The following HCRTR2 variants were observed in gnomAD, a reference collection of about 807,000 sequenced individuals.
HCRTR2 encodes orexin receptor type 2.
HCRTR2 carries 22 observed loss-of-function variants against 49.0 expected under a neutral mutation model. The observed-to-expected ratio is 0.45, with a 90% CI of 0.32 to 0.64. HCRTR2 has a LOEUF of 0.64. Ranked by LOEUF, HCRTR2 falls within the 30% of genes least tolerant of loss-of-function variation. HCRTR2 has a pLI of 0.04. For missense variants in HCRTR2, 491 were observed against 559.4 expected (o/e 0.88, Z 1.23); for synonymous variants, 236 against 205.3 (o/e 1.15, Z -1.28).
intron 1 of HCRTR2, among the ~76,000 whole-genome samples, chr6:55,245,371 GTATA>G (rs71767441): frequency 1.5e-5 from 2 of 137,332 alleles, no homozygotes; most frequent in African/African-American, 2.7e-5. Context: ...ATGTGTGTGT[GTATA>G]TATATATATA....
intron 1 of HCRTR2, among the ~76,000 whole-genome samples, chr6:55,228,720 G>A (rs1766057530): frequency 6.6e-6 from 1 of 152,130 alleles, no homozygotes; most frequent in South Asian, 2.1e-4. Flanking sequence ...TAGGCAATTA[G>A]TAAGTTCACT....
At chr6:55,167,918 G>A (rs990723589) in intron 1 of HCRTR2, among the ~76,000 whole-genome samples, 4 of 152,164 alleles carry the variant, frequency 2.6e-5, no homozygotes, top group African/African-American at 9.7e-5. Flanking sequence ...CATAGAGACT[G>A]CTAATCCATC....
intron 1 of HCRTR2, among the ~76,000 whole-genome samples, chr6:55,203,746 C>T (rs186629394): frequency 5.0e-4 from 76 of 152,050 alleles, no homozygotes; most frequent in African/African-American, 1.8e-3. Flanking sequence ...AGTGCAAAAG[C>T]CCTGATGTAG....
At chr6:55,200,275 GTGTT>G (rs1182884919) in intron 1 of HCRTR2, among the ~76,000 whole-genome samples, 35 of 135,746 alleles carry the variant, frequency 2.6e-4, no homozygotes, top group African/African-American at 7.6e-4. Context: ...GTGTGTGTGT[GTGTT>G]TTTGAAACGG....
At chr6:55,252,656 G>C (rs560844270) in intron 2 of HCRTR2, among the ~76,000 whole-genome samples, 8 of 152,156 alleles carry the variant, frequency 5.3e-5, no homozygotes, top group Admixed American at 3.3e-4. Flanking sequence ...GTAGCACTAA[G>C]AAATTTCTAG....
intron 1 of HCRTR2, among the ~76,000 whole-genome samples, chr6:55,236,127 T>A (rs1208556989): frequency 6.6e-6 from 1 of 152,028 alleles, no homozygotes; most frequent in African/African-American, 2.4e-5. Context: ...TATTCTTCGA[T>A]TCCATGAGTA....
chr6:55,198,164 T>C (rs1765451308), intron 1 of HCRTR2, among the ~76,000 whole-genome samples: 1 of 152,070 alleles, frequency 6.6e-6, no homozygotes, highest in South Asian at 2.1e-4. Context: ...ATCCTATCAG[T>C]AACACTAATG....
chr6:55,122,310 T>A (rs922586570), intron 1 of HCRTR2, among the ~76,000 whole-genome samples: 1 of 152,162 alleles, frequency 6.6e-6, no homozygotes, highest in African/African-American at 2.4e-5. Flanking sequence ...AGTGGTGATA[T>A]CCCCTTTATC....
intron 4 of HCRTR2, among the ~76,000 whole-genome samples, chr6:55,268,466 GTCT>G (rs1766904562): frequency 6.6e-6 from 1 of 151,978 alleles, no homozygotes; most frequent in South Asian, 2.1e-4. Flanking sequence ...ACTTTATGCT[GTCT>G]ACAAGAGACA....
intron 1 of HCRTR2, among the ~76,000 whole-genome samples, chr6:55,224,967 T>C (rs1765974272): frequency 6.6e-6 from 1 of 152,190 alleles, no homozygotes; most frequent in Non-Finnish European, 1.5e-5. Context: ...GTAACAATAT[T>C]TTGTATCCTC....
intron 3 of HCRTR2, among the ~76,000 whole-genome samples, chr6:55,257,624 G>A (rs576838825): frequency 2.6e-5 from 4 of 151,700 alleles, no homozygotes; most frequent in Admixed American, 6.6e-5. Flanking sequence ...TATGTAAATA[G>A]ACGTATGATT....
intron 1 of HCRTR2, among the ~76,000 whole-genome samples, chr6:55,229,777 A>C (rs138955456): frequency 2.0e-5 from 3 of 152,288 alleles, no homozygotes; most frequent in African/African-American, 7.2e-5. Context: ...ATGTAGTTTG[A>C]ATTATGAAAA....
chr6:55,198,922 G>A (rs557505585), intron 1 of HCRTR2, among the ~76,000 whole-genome samples: 2 of 152,256 alleles, frequency 1.3e-5, no homozygotes, highest in East Asian at 3.9e-4. Context: ...AAGATGAAAT[G>A]GCCTCAGGCC....
chr6:55,247,375 G>A (rs1248550297), intron 1 of HCRTR2, among the ~76,000 whole-genome samples: 1 of 152,094 alleles, frequency 6.6e-6, no homozygotes, highest in Non-Finnish European at 1.5e-5. Context: ...TTCAGCTTCA[G>A]GAACTAGTAA....
intron 1 of HCRTR2, among the ~76,000 whole-genome samples, chr6:55,206,989 T>C (rs754807281): frequency 1.3e-5 from 2 of 152,086 alleles, no homozygotes; most frequent in Non-Finnish European, 2.9e-5. Context: ...CGTAAGACCA[T>C]TTAAAATATG....
intron 1 of HCRTR2, among the ~76,000 whole-genome samples, chr6:55,131,213 ATATTATTATTT>A (rs1267862167): frequency 2.6e-5 from 4 of 151,706 alleles, no homozygotes; most frequent in African/African-American, 9.7e-5. Context: ...GGTTTTACAT[ATATTATTATTT>A]TATTATTGAT....
At chr6:55,123,656 G>A (rs891677549) in intron 1 of HCRTR2, among the ~76,000 whole-genome samples, 4 of 152,066 alleles carry the variant, frequency 2.6e-5, no homozygotes, top group Non-Finnish European at 5.9e-5. Context: ...GAATTAGGGA[G>A]GATTCCTGCT....
At chr6:55,126,030 G>T (rs923254640) in intron 1 of HCRTR2, among the ~76,000 whole-genome samples, 1 of 151,652 alleles carries the variant, frequency 6.6e-6, no homozygotes, top group Non-Finnish European at 1.5e-5. Flanking sequence ...CTTTTTTCAA[G>T]GTTCTTAGCT....
chr6:55,192,411 G>GCACACACA (rs1436691152), intron 1 of HCRTR2, among the ~76,000 whole-genome samples: 1 of 44,692 alleles, frequency 2.2e-5, no homozygotes, highest in African/African-American at 8.9e-5. Flanking sequence ...ACGCGCGCGC[G>GCACACACA]CGCACACACA....
Sources: gnomAD v4.1 joint callset for allele counts (sites outside exome capture counted in the v4.1 genomes callset) on GRCh38, gnomAD v4.1.1 for gene constraint, MANE v1.5 for transcripts, NCBI Gene and HGNC (gene_info 2026-07-23, HGNC 2026-07-21) for gene names.